Variants in RBL1 observed in about 807,000 individuals in gnomAD.
RBL1 encodes the protein retinoblastoma-like protein 1.
In RBL1, 82 loss-of-function variants were observed where a neutral mutation model predicts 123.0. The ratio of observed to expected loss-of-function variants is 0.67; its 90% CI spans 0.56 to 0.80. The LOEUF (loss-of-function observed/expected upper bound fraction) is 0.80, where lower values mean the gene tolerates loss of function less well. Ranked by LOEUF, RBL1 falls within the 30% of genes least tolerant of loss-of-function variation. RBL1 has a pLI of 0.00. For missense variants in RBL1, 1,171 were observed against 1,299.6 expected, an observed-to-expected ratio of 0.90 and a Z score of 1.52; for synonymous variants, 405 against 441.3, an observed-to-expected ratio of 0.92 and a Z score of 1.03.
At chr20:37,087,261 G>A (rs574789022) in intron 2 of RBL1, among the ~76,000 whole-genome samples, 1 of 152,202 alleles carries the variant, frequency 6.6e-6, no homozygotes, top group Admixed American at 6.5e-5. Flanking sequence ...CTTGAACCCG[G>A]GAGGCGGAGG....
intron 12 of RBL1, among the ~76,000 whole-genome samples, chr20:37,046,609 C>CTTT (rs565859682): frequency 1.4e-4 from 20 of 140,240 alleles, no homozygotes; most frequent in South Asian, 1.1e-3. Flanking sequence ...TATATATTAT[C>CTTT]TTTTTTTTTT....
intron 12 of RBL1, among the ~76,000 whole-genome samples, chr20:37,046,404 T>C (rs1463179460): frequency 6.6e-6 from 1 of 151,218 alleles, no homozygotes; most frequent in Non-Finnish European, 1.5e-5. Context: ...TCTCTCTCTC[T>C]TTTTTTTTCT....
chr20:37,072,877 G>A (rs191189345), intron 2 of RBL1, among the ~76,000 whole-genome samples: 34 of 152,258 alleles, frequency 2.2e-4, no homozygotes, highest in African/African-American at 7.2e-4. Flanking sequence ...TTTTCTAAGC[G>A]TAGTTTTCTT....
intron 12 of RBL1, among the ~76,000 whole-genome samples, chr20:37,046,391 C>T (rs563041303): frequency 3.9e-5 from 6 of 152,064 alleles, no homozygotes; most frequent in Admixed American, 3.9e-4. Context: ...GATACTCTCA[C>T]CTTCTCTCTC....
At chr20:37,076,935 CA>C (rs1431405823) in intron 2 of RBL1, among the ~76,000 whole-genome samples, 16 of 140,918 alleles carry the variant, frequency 1.1e-4, no homozygotes, top group Non-Finnish European at 2.2e-4. Context: ...TTTGCTTTAT[CA>C]TTTTTTTTTT....
At chr20:37,061,335 A>G (rs1160698006) in intron 8 of RBL1, 66 bp from the exon 9 acceptor site, 12 of 1,556,934 alleles carry the variant, frequency 7.7e-6, no homozygotes, top group Non-Finnish European at 1.0e-5. Context: ...TGTTTAATTC[A>G]GTGCATATAC....
At chr20:37,069,397 A>G (rs563379162) in intron 2 of RBL1, among the ~76,000 whole-genome samples, 191 of 139,112 alleles carry the variant, frequency 1.4e-3, no homozygotes, top group Admixed American at 2.1e-3. Flanking sequence ...AGTGAGGAGC[A>G]CCTCTTCCTC....
At chr20:37,058,648 A>G (rs2146290421) in intron 9 of RBL1, among the ~76,000 whole-genome samples, 1 of 151,972 alleles carries the variant, frequency 6.6e-6, no homozygotes, top group African/African-American at 2.4e-5. Context: ...CAAGCAATAC[A>G]CCCACCCTGG....
chr20:37,053,361 T>A (rs1355029722), intron 11 of RBL1, among the ~76,000 whole-genome samples: 2 of 152,226 alleles, frequency 1.3e-5, no homozygotes, highest in African/African-American at 4.8e-5. Context: ...CTCTGGGTAC[T>A]CTGGTTTCTT....
chr20:37,008,819 T>C (rs946519995), intron 19 of RBL1, among the ~76,000 whole-genome samples: 1 of 142,610 alleles, frequency 7.0e-6, no homozygotes, highest in African/African-American at 2.5e-5. Flanking sequence ...CTGCTATTTC[T>C]AAAGGATCTT....
In RBL1 at chr20:37,068,327, A is replaced by G. The variant is rs1600571998; in HGVS notation, c.291-141T>C. The G allele has an allele frequency of 2.3e-5, 30 of 1,277,532 alleles. 1 individual carries two copies. The South Asian group carries it at 4.1e-4, about 18-fold the overall frequency. 79.1% of individuals were successfully genotyped at this position (1,277,532 alleles called of 1,614,324 possible). On this transcript the variant is annotated intron_variant, in intron 2 of 21. Transcript: ENST00000373664. ...GCAACATAGTTAAGACCCCATCTCT[A>G]CAAAAATTTAAAAAATTAGCTGGGT... is the stretch of plus-strand genomic sequence containing the variant.
At chr20:37,087,918 G>C (rs1011235839) in intron 2 of RBL1, among the ~76,000 whole-genome samples, 2 of 152,160 alleles carry the variant, frequency 1.3e-5, no homozygotes, top group African/African-American at 4.8e-5. Flanking sequence ...AAGTATTTTG[G>C]GGTAAAAGGC....
rs374192993 is a variant in RBL1, at chr20:36,996,922, A to C, written c.*1837T>G. The C allele has an allele frequency of 2.0e-5, 3 of 152,372 alleles. No homozygotes were observed. Among genetic ancestry groups the C allele is most frequent in the African/African-American group, 7.2e-5 (3 of 41,590 alleles). The allele number at this position is 152,372 out of a possible 1,614,324, so 9.4% of individuals were successfully genotyped here. On this transcript the variant is annotated 3_prime_UTR_variant, in exon 22 of 22. Coordinates refer to ENST00000373664, the MANE Select transcript of RBL1 (RefSeq NM_002895.5). ...GAGGATGTAATTTTCATTTACAAGC[A>C]AAATGTGACCAAAATCCCTTTTCTT...
intron 2 of RBL1, among the ~76,000 whole-genome samples, chr20:37,076,948 T>C (rs1027267893): frequency 1.3e-5 from 2 of 151,986 alleles, no homozygotes; most frequent in Non-Finnish European, 2.9e-5. Flanking sequence ...TTTTTTTTTT[T>C]TTTTTTGAGG....
rs756184616 is a variant in RBL1, at chr20:37,003,686, A to T, written c.3036+16T>A. 1.9e-6 allele frequency: 3 copies of T among 1,574,714 alleles called. No homozygotes were observed. In the East Asian group the frequency reaches 6.8e-5, roughly 36 times the overall value. ...ACTGTTAATCTGAAATCCAACTTTTAGCCTATTCACCTTACCTTAGAAGGG... is the reference window on the plus strand; with the variant it reads ...ACTGTTAATCTGAAATCCAACTTTTTGCCTATTCACCTTACCTTAGAAGGG... On this transcript the variant is annotated intron_variant, in intron 21 of 21. Coordinates refer to ENST00000373664, the MANE Select transcript of RBL1 (RefSeq NM_002895.5).
chr20:37,053,866 T>C (rs1472719263), intron 11 of RBL1, among the ~76,000 whole-genome samples: 1 of 152,112 alleles, frequency 6.6e-6, no homozygotes, highest in East Asian at 1.9e-4. Context: ...CTAAAACAAA[T>C]TGAAAAGAAC....
chr20:36,997,748 ATTAAG>A lies in RBL1; in HGVS notation c.*1006_*1010del, dbSNP rs909574232. 6.6e-6 allele frequency: 1 copy of A among 152,184 alleles called. No individual in the cohort carries two copies. Among genetic ancestry groups the A allele is most frequent in the African/African-American group, 2.4e-5 (1 of 41,460 alleles). The allele number at this position is 152,184 out of a possible 1,614,324, so 9.4% of individuals were successfully genotyped here. Reference sequence around the variant, plus strand: ...ACATGAGTTAATACGATCATATATAATTAAGTTAATGTCACAGAAACCAAAATGAT... The same window carrying A: ...ACATGAGTTAATACGATCATATATAATTAATGTCACAGAAACCAAAATGAT... On this transcript the variant is annotated 3_prime_UTR_variant, in exon 22 of 22. Transcript: ENST00000373664.
At chr20:37,017,372 CA>C (rs796094666) in intron 19 of RBL1, among the ~76,000 whole-genome samples, 141 of 135,388 alleles carry the variant, frequency 1.0e-3, no homozygotes, top group Non-Finnish European at 1.3e-3. Context: ...AACCCTATCT[CA>C]AAAAAAAAAA....
At chr20:37,056,109 T>G (rs2065000314) in intron 10 of RBL1, 37 bp downstream of exon 10, 1 of 1,577,974 alleles carries the variant, frequency 6.3e-7, no homozygotes, top group South Asian at 1.2e-5. Flanking sequence ...GATTACTTAT[T>G]TTCAATGCTA....
Sources: gnomAD v4.1 joint callset for allele counts (sites outside exome capture counted in the v4.1 genomes callset) on GRCh38, gnomAD v4.1.1 for gene constraint, MANE v1.5 for transcripts, NCBI Gene and HGNC (gene_info 2026-07-23, HGNC 2026-07-21) for gene names.